Variants in ADAR observed in about 807,000 individuals in gnomAD.
ADAR encodes the protein double-stranded RNA-specific adenosine deaminase.
Under a neutral mutation model 113.2 loss-of-function variants are expected in ADAR, and 41 were observed. That is an observed-to-expected ratio of 0.36 (90% CI 0.28 to 0.47). The LOEUF (loss-of-function observed/expected upper bound fraction) is 0.47. Among genes scored for constraint, ADAR ranks in the 20% least tolerant of loss-of-function variants. ADAR has a pLI of 1.00. For synonymous variants in ADAR, 605 were observed against 572.6 expected (o/e 1.06, Z -0.81); for missense variants, 1,242 against 1,540.9 (o/e 0.81, Z 3.25).
intron 1 of ADAR, among the ~76,000 whole-genome samples, chr1:154,616,525 C>T (rs1184809386): frequency 6.6e-6 from 1 of 152,184 alleles, no homozygotes; most frequent in Non-Finnish European, 1.5e-5. Context: ...GTAGTCAACA[C>T]TTCTGGAGGA....
intron 6 of ADAR, among the ~76,000 whole-genome samples, chr1:154,594,228 C>CA (rs1249420322): frequency 2.0e-5 from 3 of 152,176 alleles, no homozygotes; most frequent in African/African-American, 7.2e-5. Flanking sequence ...AACAAGATAG[C>CA]ATTTTTATAA....
At chr1:154,604,868 A>G (rs993942466) in intron 1 of ADAR, among the ~76,000 whole-genome samples, 2 of 152,156 alleles carry the variant, frequency 1.3e-5, no homozygotes, top group Admixed American at 6.5e-5. Context: ...TCCAGCCACT[A>G]CCTTGTGTGG....
intron 14 of ADAR, 28 bp from the exon 15 acceptor site, chr1:154,585,071 A>G: frequency 6.2e-7 from 1 of 1,612,710 alleles, no homozygotes; most frequent in Non-Finnish European, 8.5e-7. Flanking sequence ...CTCATTATTC[A>G]CCTGGGACCT....
upstream of ADAR, among the ~76,000 whole-genome samples, chr1:154,608,492 C>CATTTTTTTT (rs1698349996): frequency 1.5e-5 from 1 of 65,762 alleles, no homozygotes; most frequent in African/African-American, 5.8e-5. Context: ...TCACTCCTGG[C>CATTTTTTTT]TTTTTTTTTT....
At chr1:154,600,944 G>A (rs901591396) in intron 2 of ADAR, 97 bp downstream of exon 2, 11 of 1,524,940 alleles carry the variant, frequency 7.2e-6, no homozygotes, top group Middle Eastern at 4.6e-4. Context: ...AAAGATAGGC[G>A]CCACCAAACA....
At chr1:154,624,718 CTCAAGCAGTTGTACCCATTAAGGTCCAAG>C (rs1201431455) in intron 1 of ADAR, among the ~76,000 whole-genome samples, 1 of 152,190 alleles carries the variant, frequency 6.6e-6, no homozygotes, top group Non-Finnish European at 1.5e-5. Context: ...CTCCAGAAAA[CTCAAGCAGTTGTACCCATTAAGGTCCAAG>C]TCTAACAGAT....
rs910431526 is a variant in ADAR, at chr1:154,586,306, C to T, written c.3077G>A (p.Arg1026Gln). 14 of 1,614,196 alleles carry T rather than the reference C, an allele frequency of 8.7e-6. No individual in the cohort carries two copies. Among genetic ancestry groups the T allele is most frequent in the South Asian group, 3.3e-5 (3 of 91,080 alleles). ...SDIVPTWDGI[R>Q]LGERLRTMSC... The stretch of plus-strand genomic sequence containing the variant: ...CATGGTACGGAGTCTCTCCCCGAGC[C>T]GAATGCCATCCCACGTAGGCACAAT... The change falls in exon 12 of 15, where the codon CGG (arginine) becomes CAG (glutamine). Residue 1026 changes from arginine to glutamine, a missense_variant. Transcript: ENST00000368474.
rs1173369743 is a variant in ADAR, at chr1:154,601,202, G to C, written c.1440C>G (p.Pro480=). ...GTGGCAAGCCATGACTGTAGAAGGA[G>C]GGCATCTCCATGATGGCTCGAAACT... ...PGEFRAIMEM[P]SFYSHGLPRC... The change falls in exon 2 of 15, where the codon CCC becomes CCG. Residue 480 remains proline, a synonymous_variant. Coordinates refer to ENST00000368474, the MANE Select transcript of ADAR (RefSeq NM_001111.5). This position sits in a 1 kb window ranked among gnomAD's most constrained non-coding sequence, Gnocchi z 4.7. The C allele has an allele frequency of 6.2e-7, 1 of 1,614,206 alleles. No homozygotes were observed. The highest frequency in any genetic ancestry group is 1.1e-5 in the South Asian group (1 of 91,082).
In ADAR at chr1:154,598,375, C is replaced by T. The variant is rs747987402; in HGVS notation, c.1785+27G>A. 33 of 1,611,514 alleles carry T rather than the reference C, an allele frequency of 2.0e-5. No individual in the cohort carries two copies. The Admixed American group carries it at 5.3e-4, about 26-fold the overall frequency. On this transcript the variant is annotated intron_variant, in intron 3 of 14. Transcript: ENST00000368474. The stretch of plus-strand genomic sequence containing the variant: ...ATCCAGACACTGACAGGGAACTGAT[C>T]CTCCCAGATGGCAGGAGGACACCTA...
chr1:154,603,863 T>TAACTCTAGCCTTCTACTCTTCCAC (rs1410849006), intron 1 of ADAR, among the ~76,000 whole-genome samples: 6 of 152,272 alleles, frequency 3.9e-5, no homozygotes, highest in Admixed American at 2.6e-4. Context: ...CTTTCTTCCA[T>TAACTCTAGCCTTCTACTCTTCCAC]AACTCTAGCC....
chr1:154,595,018 A>T (rs1479026918), intron 6 of ADAR, among the ~76,000 whole-genome samples: 4 of 152,228 alleles, frequency 2.6e-5, no homozygotes, highest in African/African-American at 9.6e-5. Context: ...GCCCCGTAAG[A>T]TTATGATGGA....
In ADAR at chr1:154,608,119, G is replaced by C; in HGVS notation, c.-113C>G. ...ACGCCTCCGCTACTCCGCACTGGAA[G>C]TGGCCCCGGGGCGTCGGCACGGGAA... On this transcript the variant is annotated 5_prime_UTR_variant, in exon 1 of 15. Coordinates refer to ENST00000368474, the MANE Select transcript of ADAR (RefSeq NM_001111.5). 3.7e-6 allele frequency: 5 copies of C among 1,359,662 alleles called. No individual in the cohort carries two copies. Among genetic ancestry groups the C allele is most frequent in the African/African-American group, 1.5e-5 (1 of 64,628 alleles). 84.2% of individuals were successfully genotyped at this position (1,359,662 alleles called of 1,614,324 possible). A position where few individuals can be genotyped will look rare whatever the true frequency, so the allele number is the denominator to read the frequency against.
chr1:154,586,067 T>G, intron 12 of ADAR, 114 bp downstream of exon 12: 1 of 1,381,196 alleles, frequency 7.2e-7, no homozygotes, highest in South Asian at 1.2e-5. Flanking sequence ...TACTGAGGAG[T>G]GAATCATGCT....
At chr1:154,590,141 A>AACC (rs1697035639) in intron 7 of ADAR, 43 bp downstream of exon 7, 2 of 725,322 alleles carry the variant, frequency 2.8e-6, no homozygotes, top group African/African-American at 4.5e-5. Flanking sequence ...AGTTAGGAGG[A>AACC]CCCCCCCGCC....
Position 154,585,746 on chromosome 1 carries a change from A to AT in ADAR, c.3315+6dup, listed in dbSNP as rs1372803055. The AT allele has an allele frequency of 5.6e-6, 9 of 1,607,760 alleles. No individual in the cohort carries two copies. The highest frequency in any genetic ancestry group is 1.3e-5 in the African/African-American group (1 of 74,790). On this transcript the variant is annotated splice_region_variant and intron_variant, in intron 13 of 14. Transcript: ENST00000368474. ...ATGTCAGGGAAAATAGAAGGGGGTT[A>AT]TAGCACCTTGGGGTGGTTGACAATA...
chr1:154,588,837 A>G (rs376450723), intron 9 of ADAR, among the ~76,000 whole-genome samples, 164 bp from the exon 10 acceptor site: 1 of 152,246 alleles, frequency 6.6e-6, no homozygotes, highest in African/African-American at 2.4e-5. Context: ...AGCATTTCAT[A>G]AAGCATAGTT....
intron 6 of ADAR, among the ~76,000 whole-genome samples, chr1:154,593,219 A>C (rs989419228): frequency 4.6e-5 from 7 of 152,012 alleles, no homozygotes; most frequent in Non-Finnish European, 1.0e-4. Context: ...GGAAAAAAAG[A>C]CCCAGCATAA....
chr1:154,595,948 C>T lies in ADAR; in HGVS notation c.2270+857G>A, dbSNP rs1023564468. ...TATCTTTTTGCTGTTTAGATAGACACCAATACTTACCAGTGTGTTGCAGCT... is the reference window on the plus strand; with the variant it reads ...TATCTTTTTGCTGTTTAGATAGACATCAATACTTACCAGTGTGTTGCAGCT... On this transcript the variant is annotated intron_variant, in intron 6 of 14. Transcript: ENST00000368474. Among the ~76,000 whole-genome samples, 57 of 152,134 alleles carry T rather than the reference C, an allele frequency of 3.7e-4. 2 individuals are homozygous for T. The highest frequency in any genetic ancestry group is 1.3e-4 in the Non-Finnish European group (9 of 68,036).
chr1:154,607,925 A>C, intron 1 of ADAR, 67 bp downstream of exon 1: 1 of 1,607,024 alleles, frequency 6.2e-7, no homozygotes, highest in Non-Finnish European at 8.5e-7. Flanking sequence ...ACGCACTGCA[A>C]CACAAAGCCT....
Sources: allele counts gnomAD v4.1 joint callset (sites outside exome capture counted in the v4.1 genomes callset), GRCh38; gene constraint gnomAD v4.1.1; non-coding constraint Gnocchi (gnomAD v3.1); transcripts MANE v1.5; gene names NCBI Gene and HGNC (gene_info 2026-07-23, HGNC 2026-07-21).